Variants in CDC14B observed in about 807,000 individuals in gnomAD.
CDC14B encodes the protein dual specificity protein phosphatase CDC14B.
In CDC14B, 22 loss-of-function variants were observed where a neutral mutation model predicts 64.2. That is an observed-to-expected ratio of 0.34 (90% CI 0.24 to 0.49). The LOEUF (loss-of-function observed/expected upper bound fraction) is 0.49, where lower values mean the gene tolerates loss of function less well. Among genes scored for constraint, CDC14B ranks in the 20% least tolerant of loss-of-function variants. The pLI is 0.99. For missense variants in CDC14B, 498 were observed against 629.9 expected (o/e 0.79, Z 2.24); for synonymous variants, 191 against 215.8 (o/e 0.89, Z 1.01).
At chr9:96,496,647 C>A (rs1365983345), downstream of CDC14B, among the ~76,000 whole-genome samples, 1 of 152,230 alleles carries the variant, frequency 6.6e-6, no homozygotes, top group Non-Finnish European at 1.5e-5. Context: ...CGGCTGACCC[C>A]GCAATCCAGG....
Position 96,502,027 on chromosome 9 carries a change from T to C in CDC14B, c.*1726A>G, listed in dbSNP as rs1390821762. 1.3e-5 allele frequency: 2 copies of C among 152,242 alleles called. No individual in the cohort carries two copies. The highest frequency in any genetic ancestry group is 2.1e-4 in the South Asian group (1 of 4,834). The allele number at this position is 152,242 out of a possible 1,614,324, so 9.4% of individuals were successfully genotyped here. On this transcript the variant is annotated 3_prime_UTR_variant, in exon 14 of 14. Transcript: ENST00000375241. ...GCACAGTTTGAATATTTATATTGTC[T>C]CAGCTCAAAATAGCAAAAGGAATGT...
At chr9:96,514,422 C>T (rs1835331144) in intron 12 of CDC14B, 1 of 985,186 alleles carries the variant, frequency 1.0e-6, no homozygotes, top group Non-Finnish European at 1.2e-6. Flanking sequence ...CTCAGAAATA[C>T]AGCAGGTCTG....
intron 12 of CDC14B, among the ~76,000 whole-genome samples, chr9:96,521,737 C>A (rs1049160219): frequency 1.3e-5 from 2 of 152,186 alleles, no homozygotes; most frequent in Admixed American, 1.3e-4. Flanking sequence ...ATGTCCATCA[C>A]ACTCCCTCCC....
At chr9:96,524,511 C>G (rs894676174) in intron 9 of CDC14B, among the ~76,000 whole-genome samples, 7 of 152,068 alleles carry the variant, frequency 4.6e-5, no homozygotes, top group African/African-American at 1.7e-4. Context: ...TTTTTTAAAC[C>G]TCTATTGGTG....
At chr9:96,561,708 C>T (rs1028781819) in intron 4 of CDC14B, among the ~76,000 whole-genome samples, 5 of 151,432 alleles carry the variant, frequency 3.3e-5, no homozygotes, top group South Asian at 2.1e-4. Flanking sequence ...AGGATGGTCT[C>T]GATCTCCTGA....
intron 12 of CDC14B, chr9:96,514,447 A>T: frequency 1.0e-6 from 1 of 985,454 alleles, no homozygotes; most frequent in Non-Finnish European, 1.2e-6. Context: ...CGCGACAATA[A>T]GCTTTTATTT....
At chr9:96,614,595 A>T (rs1332725275) in intron 1 of CDC14B, among the ~76,000 whole-genome samples, 1 of 151,876 alleles carries the variant, frequency 6.6e-6, no homozygotes, top group Non-Finnish European at 1.5e-5. Flanking sequence ...GAGTCTTTAA[A>T]TTTTTTTTTC....
intron 1 of CDC14B, among the ~76,000 whole-genome samples, chr9:96,583,078 TGTTAC>T (rs1845252842): frequency 6.6e-6 from 1 of 152,194 alleles, no homozygotes; most frequent in South Asian, 2.1e-4. Context: ...GTAGCTCTTC[TGTTAC>T]GCATACCTCT....
intron 1 of CDC14B, among the ~76,000 whole-genome samples, chr9:96,571,488 T>C (rs1400654870): frequency 6.6e-6 from 1 of 152,100 alleles, no homozygotes; most frequent in South Asian, 2.1e-4. Flanking sequence ...ATGAATAATT[T>C]TATAATTTAA....
In CDC14B at chr9:96,520,893, G is replaced by A. The variant is rs1481083401; in HGVS notation, c.1343+1613C>T. 6.7e-5 allele frequency among the ~76,000 whole-genome samples: 10 copies of A among 148,176 alleles called. No homozygotes were observed. The South Asian group carries it at 1.1e-3, about 16-fold the overall frequency. ...CACTGAAGTCTGAGAAGCACTGCTCGAGGGTGCTGCCTGCCTCCTCCACCA... is the reference window on the plus strand; with the variant it reads ...CACTGAAGTCTGAGAAGCACTGCTCAAGGGTGCTGCCTGCCTCCTCCACCA... On this transcript the variant is annotated intron_variant, in intron 12 of 13. Coordinates refer to ENST00000375241, the MANE Select transcript of CDC14B (RefSeq NM_033331.4).
At chr9:96,495,340 G>T (rs535457613), downstream of CDC14B, among the ~76,000 whole-genome samples, 3 of 152,176 alleles carry the variant, frequency 2.0e-5, no homozygotes, top group South Asian at 6.2e-4. Flanking sequence ...CCTGCAAAGG[G>T]ACTGAGGGCG....
intron 5 of CDC14B, among the ~76,000 whole-genome samples, chr9:96,542,291 T>C (rs1174054349): frequency 1.3e-5 from 2 of 152,204 alleles, no homozygotes; most frequent in African/African-American, 2.4e-5. Flanking sequence ...GAAAGACTGC[T>C]TTTTGATCCT....
intron 12 of CDC14B, among the ~76,000 whole-genome samples, chr9:96,520,427 C>T (rs899673530): frequency 2.6e-5 from 4 of 152,002 alleles, no homozygotes; most frequent in African/African-American, 9.7e-5. Context: ...CTCACTGCAG[C>T]CTCAGACTCC....
intron 1 of CDC14B, among the ~76,000 whole-genome samples, chr9:96,610,150 C>T (rs866614438): frequency 1.3e-5 from 2 of 152,010 alleles, no homozygotes; most frequent in African/African-American, 2.4e-5. Context: ...GCTTACTGCC[C>T]GTATCTGAGG....
At chr9:96,505,139 C>G (rs543735390) in intron 13 of CDC14B, among the ~76,000 whole-genome samples, 4 of 151,392 alleles carry the variant, frequency 2.6e-5, no homozygotes, top group Admixed American at 2.0e-4. Flanking sequence ...CAAGATCGCA[C>G]CACAGCACTC....
chr9:96,524,640 T>C (rs1667919264), intron 9 of CDC14B, among the ~76,000 whole-genome samples: 1 of 152,094 alleles, frequency 6.6e-6, no homozygotes, highest in South Asian at 2.1e-4. Flanking sequence ...GTAAGCACAG[T>C]TCCCTCCATA....
intron 1 of CDC14B, among the ~76,000 whole-genome samples, chr9:96,611,426 T>A (rs948207347): frequency 3.9e-5 from 6 of 152,222 alleles, no homozygotes; most frequent in Non-Finnish European, 7.4e-5. Context: ...ACCTCATTCA[T>A]AAAGATGCCT....
chr9:96,494,937 C>T (rs1326431989), intron 13 of CDC14B, among the ~76,000 whole-genome samples: 3 of 151,388 alleles, frequency 2.0e-5, no homozygotes, highest in South Asian at 2.1e-4. Flanking sequence ...CGGGTTCATG[C>T]CATTCTCCTG....
intron 12 of CDC14B, among the ~76,000 whole-genome samples, chr9:96,511,602 C>T (rs562253890): frequency 3.9e-5 from 6 of 152,284 alleles, no homozygotes; most frequent in Non-Finnish European, 8.8e-5. Flanking sequence ...TCTGGGCCAG[C>T]GGTCCCAAGC....
Sources: allele counts gnomAD v4.1 joint callset (sites outside exome capture counted in the v4.1 genomes callset), GRCh38; gene constraint gnomAD v4.1.1; transcripts MANE v1.5; gene names NCBI Gene and HGNC (gene_info 2026-07-23, HGNC 2026-07-21).